RIC3: variants seen among roughly 807,000 people sequenced by gnomAD.
RIC3 encodes protein RIC-3.
RIC3 carries 28 observed loss-of-function variants against 27.3 expected under a neutral mutation model. The ratio of observed to expected loss-of-function variants is 1.02; its 90% CI spans 0.76 to 1.41. RIC3 has a LOEUF of 1.41. RIC3 is among the 40% of genes most tolerant of loss of function. The pLI, the probability that RIC3 is intolerant of heterozygous loss-of-function variation, is 0.00. For missense variants in RIC3, 501 were observed against 444.7 expected (o/e 1.13, Z -1.14); for synonymous variants, 184 against 160.4 (o/e 1.15, Z -1.11).
At chr11:8,130,678 A>T (rs1321336899) in intron 4 of RIC3, among the ~76,000 whole-genome samples, 1 of 152,076 alleles carries the variant, frequency 6.6e-6, no homozygotes, top group Non-Finnish European at 1.5e-5. Flanking sequence ...GTCACTCTAT[A>T]TATTACTGTA....
At chr11:8,135,292 T>C (rs1204828685) in intron 4 of RIC3, among the ~76,000 whole-genome samples, 5 of 152,234 alleles carry the variant, frequency 3.3e-5, no homozygotes, top group Non-Finnish European at 5.9e-5. Flanking sequence ...CAGATAGTTG[T>C]AGATGTGTGA....
At chr11:8,113,614 A>G (rs987068498) in intron 5 of RIC3, among the ~76,000 whole-genome samples, 1 of 152,028 alleles carries the variant, frequency 6.6e-6, no homozygotes, top group East Asian at 1.9e-4. Flanking sequence ...GCTAGTCTCT[A>G]TGACCACCCC....
At chr11:8,111,406 C>G (rs1945253451) in intron 5 of RIC3, among the ~76,000 whole-genome samples, 1 of 152,104 alleles carries the variant, frequency 6.6e-6, no homozygotes, top group Non-Finnish European at 1.5e-5. Flanking sequence ...AAGTCTTATA[C>G]CATGTGTTTT....
intron 4 of RIC3, among the ~76,000 whole-genome samples, chr11:8,127,261 A>G (rs1368022379): frequency 6.6e-6 from 1 of 152,242 alleles, no homozygotes; most frequent in Non-Finnish European, 1.5e-5. Flanking sequence ...AATTTATGCT[A>G]CTAGAATCAC....
At chr11:8,101,222 G>A (rs1465408819), downstream of RIC3, among the ~76,000 whole-genome samples, 1 of 152,200 alleles carries the variant, frequency 6.6e-6, no homozygotes, top group Non-Finnish European at 1.5e-5. Context: ...GGAGTCTCAG[G>A]CACGGGAACA....
intron 5 of RIC3, among the ~76,000 whole-genome samples, chr11:8,111,955 C>T (rs757035315): frequency 3.3e-4 from 51 of 152,240 alleles, no homozygotes; most frequent in Non-Finnish European, 6.2e-4. Flanking sequence ...GCCGTAATCA[C>T]GATACAGTGC....
At chr11:8,165,176 A>G (rs901084223) in intron 1 of RIC3, among the ~76,000 whole-genome samples, 1 of 151,926 alleles carries the variant, frequency 6.6e-6, no homozygotes, top group African/African-American at 2.4e-5. Context: ...GAATGCTCAC[A>G]TTTTCCAAAT....
At chr11:8,127,561 A>T (rs187295955) in intron 4 of RIC3, among the ~76,000 whole-genome samples, 1 of 152,332 alleles carries the variant, frequency 6.6e-6, no homozygotes, top group Admixed American at 6.5e-5. Flanking sequence ...ATATCTGCAA[A>T]AATAACATGA....
chr11:8,097,727 C>A, the RIC3 span: 1 of 1,613,406 alleles, frequency 6.2e-7, no homozygotes, highest in Non-Finnish European at 8.5e-7. Flanking sequence ...TTCCTCCTGG[C>A]GGGAAGGAAG....
chr11:8,134,555 C>T (rs1948131977), intron 4 of RIC3, among the ~76,000 whole-genome samples: 1 of 152,118 alleles, frequency 6.6e-6, no homozygotes, highest in Admixed American at 6.6e-5. Flanking sequence ...GTTCTGGATC[C>T]CTGAGGAATC....
At chr11:8,099,529 T>TCC in the RIC3 span, among the ~76,000 whole-genome samples, 1 of 152,174 alleles carries the variant, frequency 6.6e-6, no homozygotes, top group Admixed American at 6.5e-5. Context: ...GCCTGAGTCT[T>TCC]CAAGTTCTTA....
At chr11:8,124,108 AAAGC>A (rs201131362) in intron 5 of RIC3, among the ~76,000 whole-genome samples, 15,471 of 150,640 alleles carry the variant, frequency 0.1, 841 homozygotes, top group South Asian at 0.19. Flanking sequence ...AGAAAAAGAG[AAAGC>A]AAGCAAGCAA....
chr11:8,141,184 C>A (rs372051790), intron 1 of RIC3, among the ~76,000 whole-genome samples: 2 of 151,306 alleles, frequency 1.3e-5, no homozygotes, highest in Non-Finnish European at 2.9e-5. Flanking sequence ...CATAACAATA[C>A]TAACTTTAAA....
At chr11:8,099,539 A>G in the RIC3 span, among the ~76,000 whole-genome samples, 8,034 of 152,262 alleles carry the variant, frequency 0.053, 243 homozygotes, top group South Asian at 0.1. Flanking sequence ...TCAAGTTCTT[A>G]CTGAGCTCCA....
At chr11:8,140,768 T>C (rs1282861527) in intron 1 of RIC3, among the ~76,000 whole-genome samples, 2 of 152,142 alleles carry the variant, frequency 1.3e-5, no homozygotes, top group African/African-American at 4.8e-5. Context: ...TGGAATCTAT[T>C]TGTTACAGCA....
chr11:8,100,514 C>T, the RIC3 span: 1 of 1,614,106 alleles, frequency 6.2e-7, no homozygotes, highest in Admixed American at 1.7e-5. Flanking sequence ...AGACAAACGT[C>T]TTAGGCTTCA....
Position 8,168,863 on chromosome 11 carries a change from T to G in RIC3, c.124+3A>C. On this transcript the variant is annotated splice_donor_region_variant and intron_variant, in intron 1 of 5. Transcript: ENST00000309737. The stretch of plus-strand genomic sequence containing the variant: ...AGCTCAGAGGGAGCTGGCCTGCTCT[T>G]ACCTTCAGGTGTCGGCGGCGGCTCC... 1 of 1,611,334 alleles carries G rather than the reference T, an allele frequency of 6.2e-7. No homozygotes were observed. Among genetic ancestry groups the G allele is most frequent in the Non-Finnish European group, 8.5e-7 (1 of 1,178,658 alleles).
At chr11:8,151,398 T>C (rs1411762810) in intron 1 of RIC3, among the ~76,000 whole-genome samples, 1 of 150,878 alleles carries the variant, frequency 6.6e-6, no homozygotes, top group African/African-American at 2.4e-5. Flanking sequence ...CCATCCTGGC[T>C]AACACGGTGA....
intron 5 of RIC3, among the ~76,000 whole-genome samples, chr11:8,115,690 C>T (rs980023024): frequency 1.1e-4 from 16 of 152,032 alleles, no homozygotes; most frequent in African/African-American, 3.9e-4. Context: ...GCCTGTAATC[C>T]CAGCTACTTG....
Sources: gnomAD v4.1 joint callset for allele counts (sites outside exome capture counted in the v4.1 genomes callset) on GRCh38, gnomAD v4.1.1 for gene constraint, MANE v1.5 for transcripts, NCBI Gene and HGNC (gene_info 2026-07-23, HGNC 2026-07-21) for gene names.